Variants in PCBP2 observed in about 807,000 individuals in gnomAD.
The protein encoded by PCBP2 is poly(rC)-binding protein 2.
In PCBP2, 4 loss-of-function variants were observed where a neutral mutation model predicts 50.1. That is an observed-to-expected ratio of 0.08 (90% CI 0.04 to 0.18). The LOEUF is 0.18. Ranked by LOEUF, PCBP2 falls within the 10% of genes least tolerant of loss-of-function variation. PCBP2 has a pLI of 1.00. For synonymous variants in PCBP2, 179 were observed against 168.0 expected (o/e 1.07, Z -0.51); for missense variants, 161 against 474.3 (o/e 0.34, Z 6.14).
chr12:53,460,251 AC>A (rs895265116), intron 6 of PCBP2: 2 of 226,126 alleles, frequency 8.8e-6, no homozygotes, highest in African/African-American at 4.7e-5. Flanking sequence ...TAACCCTCCT[AC>A]CTCAAGCCTC....
chr12:53,477,388 G>A (rs1942663185), intron 14 of PCBP2, among the ~76,000 whole-genome samples: 1 of 151,966 alleles, frequency 6.6e-6, no homozygotes, highest in South Asian at 2.1e-4. Context: ...ATCCCCTGCC[G>A]GGCACGGTGG....
At chr12:53,466,711 C>T (rs1193066861) in intron 10 of PCBP2, among the ~76,000 whole-genome samples, 1 of 152,060 alleles carries the variant, frequency 6.6e-6, no homozygotes, top group Non-Finnish European at 1.5e-5. Flanking sequence ...ATAAAAATAG[C>T]TGTAGTAGTC....
rs1470516654 is a variant in PCBP2 at position 53,452,270 on chromosome 12, G to A, written c.-182G>A. The A allele has an allele frequency of 8.3e-6, 1 of 120,860 alleles. No individual in the cohort carries two copies. The highest frequency in any genetic ancestry group is 3.1e-4 in the South Asian group (1 of 3,220). 7.5% of individuals were successfully genotyped at this position (120,860 alleles called of 1,614,324 possible). On this transcript the variant is annotated 5_prime_UTR_variant, in exon 1 of 15. Coordinates refer to ENST00000546463, the MANE Select transcript of PCBP2 (RefSeq NM_031989.5). ...CCCCCTTCCTCCTCCGCCCGCCCGC[G>A]GGGCCCCCCTCGCCTTCCCGCCCGC...
intron 8 of PCBP2, 77 bp from the exon 9 acceptor site, chr12:53,464,679 CTTTT>C: frequency 1.3e-6 from 2 of 1,543,888 alleles, no homozygotes; most frequent in Non-Finnish European, 1.7e-6. Flanking sequence ...AAATAAACAA[CTTTT>C]TTTGTGTGAA....
At chr12:53,477,123 C>T (rs1023605923) in intron 14 of PCBP2, among the ~76,000 whole-genome samples, 1 of 152,146 alleles carries the variant, frequency 6.6e-6, no homozygotes, top group South Asian at 2.1e-4. Flanking sequence ...CGTCACCTCC[C>T]CCACCCCAGC....
chr12:53,474,577 G>C (rs1445832343), intron 14 of PCBP2, among the ~76,000 whole-genome samples: 1 of 152,158 alleles, frequency 6.6e-6, no homozygotes. Context: ...CATCTGGGTT[G>C]GGTCAGTGTG....
chr12:53,453,869 T>A (rs2137011160), intron 1 of PCBP2, among the ~76,000 whole-genome samples: 1 of 152,368 alleles, frequency 6.6e-6, no homozygotes, highest in Admixed American at 6.5e-5. Context: ...AAAAGGGCCA[T>A]CTTGTATAGG....
intron 5 of PCBP2, among the ~76,000 whole-genome samples, chr12:53,458,267 G>A (rs1941190317): frequency 6.6e-6 from 1 of 151,170 alleles, no homozygotes; most frequent in African/African-American, 2.4e-5. Context: ...GATGTAAATA[G>A]GGTTGCATTG....
In PCBP2 at chr12:53,471,691, G is replaced by A; in HGVS notation, c.936G>A (p.Gln312=). 1.9e-6 allele frequency: 3 copies of A among 1,614,106 alleles called. No individual in the cohort carries two copies. The highest frequency in any genetic ancestry group is 2.5e-6 in the Non-Finnish European group (3 of 1,179,996). The change falls in exon 14 of 15, where the codon CAG becomes CAA. Residue 312 remains glutamine (Q), a synonymous_variant. Transcript: ENST00000546463. Reference sequence around the variant, plus strand: ...GCGCCAAAATCAATGAGATCCGTCAGATGTCTGGGGCGCAGATCAAAATTG... The same window carrying A: ...GCGCCAAAATCAATGAGATCCGTCAAATGTCTGGGGCGCAGATCAAAATTG... ...RQGAKINEIR[Q]MSGAQIKIAN... is the part of the protein sequence containing the mutation.
chr12:53,470,592 T>C (rs1289058537), intron 13 of PCBP2, among the ~76,000 whole-genome samples: 3 of 150,990 alleles, frequency 2.0e-5, no homozygotes, highest in Non-Finnish European at 2.9e-5. Context: ...ATTTTTTTTG[T>C]AAAGACAAGA....
chr12:53,460,483 A>G (rs1446600321), intron 6 of PCBP2: 2 of 245,810 alleles, frequency 8.1e-6, no homozygotes, highest in Non-Finnish European at 1.7e-5. Context: ...ACGTTGAATT[A>G]TGGAAGATTT....
chr12:53,465,570 A>G (rs1941758569), intron 9 of PCBP2, among the ~76,000 whole-genome samples: 1 of 152,188 alleles, frequency 6.6e-6, no homozygotes, highest in African/African-American at 2.4e-5. Context: ...GAGGGAAGAG[A>G]TCATTATTCC....
rs564843478 is a variant in PCBP2 at position 53,452,583 on chromosome 12, C to T, written c.-76+207C>T. On this transcript the variant is annotated intron_variant, in intron 1 of 14. Coordinates refer to ENST00000546463, the MANE Select transcript of PCBP2 (RefSeq NM_031989.5). ...TAGGCCTCGCGCAAGGCCTATTCCC[C>T]CCTCCCCCCGCCTTTTCCCGGTGGC... is the stretch of plus-strand genomic sequence containing the variant. Among the ~76,000 whole-genome samples the T allele has an allele frequency of 2.0e-5, 3 of 151,680 alleles. No homozygotes were observed. In the East Asian group the frequency reaches 5.9e-4, roughly 30 times the overall value.
intron 14 of PCBP2, among the ~76,000 whole-genome samples, chr12:53,477,589 C>T (rs536269807): frequency 1.5e-5 from 2 of 134,262 alleles, no homozygotes; most frequent in East Asian, 4.4e-4. Context: ...TGGCGTGAAC[C>T]TGGGAGGCGG....
At chr12:53,454,170 T>A (rs897889726) in intron 1 of PCBP2, among the ~76,000 whole-genome samples, 1 of 152,222 alleles carries the variant, frequency 6.6e-6, no homozygotes, top group African/African-American at 2.4e-5. Context: ...TCAGTGAGGG[T>A]GTTGATCTAA....
chr12:53,455,401 C>T lies in PCBP2; in HGVS notation c.93+31C>T, dbSNP rs376780128. 5 of 1,612,374 alleles carry T rather than the reference C, an allele frequency of 3.1e-6. No homozygotes were observed. The African/African-American group carries it at 4.0e-5, about 13-fold the overall frequency. Reference sequence around the variant, plus strand: ...ACAATTTCACTTCAACTTCAATTACCATTTAGTAATTCTGGATTGAAGTAG... The same window carrying T: ...ACAATTTCACTTCAACTTCAATTACTATTTAGTAATTCTGGATTGAAGTAG... On this transcript the variant is annotated intron_variant, in intron 3 of 14. Coordinates refer to ENST00000546463, the MANE Select transcript of PCBP2 (RefSeq NM_031989.5).
intron 14 of PCBP2, chr12:53,475,107 G>A (rs562040080): frequency 2.2e-6 from 1 of 456,370 alleles, no homozygotes; most frequent in Non-Finnish European, 4.4e-6. Flanking sequence ...TCTAAATGTT[G>A]TGTCTGCTGC....
chr12:53,474,144 T>C (rs1942421166), intron 14 of PCBP2, among the ~76,000 whole-genome samples: 1 of 152,246 alleles, frequency 6.6e-6, no homozygotes, highest in African/African-American at 2.4e-5. Flanking sequence ...TAGGTGATAC[T>C]TGAGTTTCTC....
At chr12:53,453,007 C>T (rs1021796125) in intron 1 of PCBP2, 2 of 151,876 alleles carry the variant, frequency 1.3e-5, no homozygotes, top group Non-Finnish European at 2.9e-5. Context: ...AAATGCCTGC[C>T]GATGTAATCC....
Sources: gnomAD v4.1 joint callset for allele counts (sites outside exome capture counted in the v4.1 genomes callset) on GRCh38, gnomAD v4.1.1 for gene constraint, MANE v1.5 for transcripts, NCBI Gene and HGNC (gene_info 2026-07-23, HGNC 2026-07-21) for gene names.